Variants in NR3C2 observed in about 807,000 individuals in gnomAD.
NR3C2 encodes nuclear receptor subfamily 3 group C member 2.
Under a neutral mutation model 86.4 loss-of-function variants are expected in NR3C2, and 15 were observed. That is an observed-to-expected ratio of 0.17 (90% CI 0.12 to 0.27). The LOEUF (loss-of-function observed/expected upper bound fraction) is 0.27. Ranked by LOEUF, NR3C2 falls within the 10% of genes least tolerant of loss-of-function variation. The probability of loss-of-function intolerance (pLI) is 1.00; values close to 1 mark genes in which losing one functional copy is unlikely to be tolerated. For synonymous variants in NR3C2, 458 were observed against 450.5 expected (o/e 1.02, Z -0.21); for missense variants, 960 against 1,195.6 (o/e 0.80, Z 2.91).
chr4:148,409,364 T>C (rs1355098366), intron 2 of NR3C2, among the ~76,000 whole-genome samples: 1 of 152,144 alleles, frequency 6.6e-6, no homozygotes, highest in Non-Finnish European at 1.5e-5. Flanking sequence ...TGTTTTTCCT[T>C]ATCAAATTGA....
intron 2 of NR3C2, among the ~76,000 whole-genome samples, chr4:148,325,496 C>G (rs1743916758): frequency 7.2e-6 from 1 of 138,210 alleles, no homozygotes; most frequent in Non-Finnish European, 1.5e-5. Flanking sequence ...GGATGTAAGG[C>G]TAGCATGAAG....
At chr4:148,208,015 C>G (rs1343173439) in intron 3 of NR3C2, 1 of 152,208 alleles carries the variant, frequency 6.6e-6, no homozygotes, top group Non-Finnish European at 1.5e-5. Context: ...CTGTGGGGAC[C>G]TGAAACCAAG....
intron 3 of NR3C2, among the ~76,000 whole-genome samples, chr4:148,240,726 CT>C (rs1738985888): frequency 6.6e-6 from 1 of 152,190 alleles, no homozygotes; most frequent in Admixed American, 6.5e-5. Context: ...TCCAAAAACA[CT>C]TTTTCCATCC....
chr4:148,114,382 G>T, intron 7 of NR3C2, 121 bp from the exon 8 acceptor site: 1 of 1,050,592 alleles, frequency 9.5e-7, no homozygotes, highest in Non-Finnish European at 1.4e-6. Flanking sequence ...TTGCATTTAT[G>T]AATAAATATG....
chr4:148,094,241 T>A (rs1186208379), intron 8 of NR3C2, among the ~76,000 whole-genome samples: 1 of 152,090 alleles, frequency 6.6e-6, no homozygotes, highest in African/African-American at 2.4e-5. Context: ...TTGACAAGGA[T>A]ATAGAGAAAT....
chr4:148,267,704 G>A (rs1288586707), intron 2 of NR3C2, among the ~76,000 whole-genome samples: 1 of 151,964 alleles, frequency 6.6e-6, no homozygotes, highest in Non-Finnish European at 1.5e-5. Flanking sequence ...ATATCATTAA[G>A]ATAAATAATT....
rs1050668581 is a variant in NR3C2, at chr4:148,302,690, T to A, written c.1758-42573A>T. ...TCATACCTTGTCTACACAGTCCCCA[T>A]AGGGTCCTAACCTGTGGTGAGTAAA... On this transcript the variant is annotated intron_variant, in intron 2 of 8. Coordinates refer to ENST00000358102, the MANE Select transcript of NR3C2 (RefSeq NM_000901.5). Among the ~76,000 whole-genome samples the A allele has an allele frequency of 2.6e-5, 4 of 151,822 alleles. No homozygotes were observed. The South Asian group carries it at 8.3e-4, about 32-fold the overall frequency.
At chr4:148,154,324 G>A (rs1029469612) in intron 5 of NR3C2, among the ~76,000 whole-genome samples, 4 of 152,126 alleles carry the variant, frequency 2.6e-5, no homozygotes, top group Admixed American at 6.5e-5. Context: ...GCGCCCAGCC[G>A]TATCTGTCAT....
intron 2 of NR3C2, among the ~76,000 whole-genome samples, chr4:148,401,282 T>C (rs1748148050): frequency 6.6e-6 from 1 of 152,144 alleles, no homozygotes; most frequent in Admixed American, 6.5e-5. Context: ...CAGAGGCTGC[T>C]AGGAGAATAT....
chr4:148,331,517 C>T (rs897313794), intron 2 of NR3C2, among the ~76,000 whole-genome samples: 1 of 152,250 alleles, frequency 6.6e-6, no homozygotes, highest in Admixed American at 6.5e-5. Flanking sequence ...GAGGTATTCC[C>T]AGGATGAAAG....
chr4:148,168,161 ACAT>A (rs890815675), intron 4 of NR3C2, among the ~76,000 whole-genome samples: 4 of 152,160 alleles, frequency 2.6e-5, no homozygotes, highest in Non-Finnish European at 5.9e-5. Context: ...GGCCCAATAA[ACAT>A]CATTAAATGA....
At chr4:148,123,973 T>C (rs1318339580) in intron 6 of NR3C2, among the ~76,000 whole-genome samples, 1 of 152,202 alleles carries the variant, frequency 6.6e-6, no homozygotes, top group Non-Finnish European at 1.5e-5. Context: ...GTGCAGTGGC[T>C]CATGCTTGTA....
At chr4:148,389,538 T>C (rs371918520) in intron 2 of NR3C2, among the ~76,000 whole-genome samples, 2 of 152,308 alleles carry the variant, frequency 1.3e-5, no homozygotes, top group South Asian at 2.1e-4. Context: ...GTTTCTTTCC[T>C]CATTTATCTC....
At chr4:148,121,771 C>T (rs889168119) in intron 6 of NR3C2, among the ~76,000 whole-genome samples, 1 of 152,150 alleles carries the variant, frequency 6.6e-6, no homozygotes, top group African/African-American at 2.4e-5. Context: ...TGAACAGTAA[C>T]TTTGAGATGT....
At chr4:148,269,226 G>C (rs752245945) in intron 2 of NR3C2, among the ~76,000 whole-genome samples, 1 of 152,160 alleles carries the variant, frequency 6.6e-6, no homozygotes, top group Non-Finnish European at 1.5e-5. Context: ...AGCAAGATAA[G>C]GCAGAATCTG....
intron 1 of NR3C2, among the ~76,000 whole-genome samples, chr4:148,441,366 A>G (rs1485923284): frequency 6.6e-6 from 1 of 152,236 alleles, no homozygotes; most frequent in African/African-American, 2.4e-5. Flanking sequence ...AATATCATCA[A>G]TAACAGCACC....
chr4:148,395,297 T>C (rs1026420676), intron 2 of NR3C2, among the ~76,000 whole-genome samples: 2 of 151,114 alleles, frequency 1.3e-5, no homozygotes, highest in Non-Finnish European at 2.9e-5. Context: ...GGCTTGTGAT[T>C]TAGGGCTCTG....
chr4:148,222,146 T>C (rs1737893079), intron 3 of NR3C2, among the ~76,000 whole-genome samples: 1 of 152,220 alleles, frequency 6.6e-6, no homozygotes, highest in African/African-American at 2.4e-5. Flanking sequence ...GATTTTCATT[T>C]ATTTAATCTA....
intron 2 of NR3C2, among the ~76,000 whole-genome samples, chr4:148,342,859 TA>T (rs1181108948): frequency 6.6e-6 from 1 of 152,186 alleles, no homozygotes; most frequent in Non-Finnish European, 1.5e-5. Flanking sequence ...GCTTTAGCTA[TA>T]AGGTTAATTG....
Sources: allele counts gnomAD v4.1 joint callset (sites outside exome capture counted in the v4.1 genomes callset), GRCh38; gene constraint gnomAD v4.1.1; transcripts MANE v1.5; gene names NCBI Gene and HGNC (gene_info 2026-07-23, HGNC 2026-07-21).